Variants in OR6P1 observed in about 807,000 individuals in gnomAD.
The protein encoded by OR6P1 is olfactory receptor 6P1.
OR6P1 carries 5 observed loss-of-function variants against 6.6 expected under a neutral mutation model. The ratio of observed to expected loss-of-function variants is 0.76; its 90% CI spans 0.40 to 1.60. The LOEUF is 1.60. OR6P1 is among the 40% of genes most tolerant of loss of function. OR6P1 has a pLI of 0.02. For missense variants in OR6P1, 451 were observed against 383.0 expected (o/e 1.18, Z -1.48); for synonymous variants, 177 against 149.6 (o/e 1.18, Z -1.33).
At position 158,563,215 on chromosome 1, in the gene OR6P1, G is replaced by C; in HGVS notation, c.390C>G (p.Leu130=). ...YDRYLAICGP[L]LYPSLMPSSL... is the part of the protein sequence containing the mutation. ...TGGAAGGCATGAGACTAGGGTAAAG[G>C]AGGGGTCCACAGATGGCCAGGTAGC... The change falls in exon 3 of 3, where the codon CTC becomes CTG. Residue 130 remains leucine, a synonymous_variant. Coordinates refer to ENST00000641540, the MANE Select transcript of OR6P1 (RefSeq NM_001160325.2). 2 of 1,551,654 alleles carry C rather than the reference G, an allele frequency of 1.3e-6. No individual in the cohort carries two copies. Among genetic ancestry groups the C allele is most frequent in the Non-Finnish European group, 1.7e-6 (2 of 1,147,000 alleles).
At chr1:158,569,074 T>C (rs1648176940) in intron 1 of OR6P1, among the ~76,000 whole-genome samples, 1 of 152,242 alleles carries the variant, frequency 6.6e-6, no homozygotes, top group South Asian at 2.1e-4. Context: ...GTTTTATTAT[T>C]TGTGAAATAG....
In OR6P1 at chr1:158,563,009, T is replaced by A. The variant is rs1647996245; in HGVS notation, c.596A>T (p.Asp199Val). 3.9e-6 allele frequency: 6 copies of A among 1,551,204 alleles called. No homozygotes were observed. The highest frequency in any genetic ancestry group is 1.4e-5 in the African/African-American group (1 of 72,994). Reference sequence around the variant, plus strand: ...AATCATCACCAGGGCCAGAAGGAAGTCTACTAGCTCTGCTTGCTCCTTGTC... The same window carrying A: ...AATCATCACCAGGGCCAGAAGGAAGACTACTAGCTCTGCTTGCTCCTTGTC... ...CSDKEQAELV[D>V]FLLALVMILL... Residue 199 changes from aspartate to valine, a missense_variant, in exon 3 of 3, where the codon GAC (aspartate) becomes GTC (valine). Transcript: ENST00000641540.
intron 1 of OR6P1, among the ~76,000 whole-genome samples, chr1:158,567,412 A>G (rs1156392267): frequency 1.0e-4 from 15 of 146,558 alleles, no homozygotes; most frequent in African/African-American, 3.3e-4. Context: ...CAACAATGAT[A>G]GACTGGATTA....
Position 158,563,330 on chromosome 1 carries a change from A to T in OR6P1, c.275T>A (p.Val92Asp), listed in dbSNP as rs1648008315. The change falls in exon 3 of 3, where the codon GTC (valine) becomes GAC (aspartate). Residue 92 changes from valine (V) to aspartate (D), a missense_variant. Coordinates refer to ENST00000641540, the MANE Select transcript of OR6P1 (RefSeq NM_001160325.2). ...TTGGGTCATGCAACCTACGTAGGAG[A>T]CTCTACCATCCTGGGTAAGAAAGGC... ...LAAFLTQDGR[V>D]SYVGCMTQLY... The T allele has an allele frequency of 1.3e-6, 2 of 1,551,390 alleles. No individual in the cohort carries two copies. The highest frequency in any genetic ancestry group is 1.4e-5 in the African/African-American group (1 of 73,092).
Position 158,563,563 on chromosome 1 carries a change from C to G in OR6P1, c.42G>C (p.Leu14Phe), listed in dbSNP as rs1341686599. ...LSGGHVEEFV[L>F]VGFPTTPPLQ... The stretch of plus-strand genomic sequence containing the variant: ...GGGGAGGCGTGGTAGGGAAACCCAC[C>G]AAGACAAACTCCTCGACATGGCCTC... The change falls in exon 3 of 3, where the codon TTG becomes TTC. Residue 14 changes from leucine (L) to phenylalanine (F), a missense_variant. By Grantham distance (22) the Leu-to-Phe change is conservative. Coordinates refer to ENST00000641540, the MANE Select transcript of OR6P1 (RefSeq NM_001160325.2). 3 of 1,550,136 alleles carry G rather than the reference C, an allele frequency of 1.9e-6. No homozygotes were observed. The highest frequency in any genetic ancestry group is 1.7e-4 in the Middle Eastern group (1 of 5,972).
intron 1 of OR6P1, among the ~76,000 whole-genome samples, chr1:158,569,660 A>G (rs1648190912): frequency 6.6e-6 from 1 of 152,176 alleles, no homozygotes; most frequent in Admixed American, 6.6e-5. Flanking sequence ...GGTAGTGAGT[A>G]TTTTTCATAT....
intron 1 of OR6P1, among the ~76,000 whole-genome samples, chr1:158,569,811 C>T (rs1210886286): frequency 3.3e-5 from 5 of 152,046 alleles, no homozygotes; most frequent in Admixed American, 2.0e-4. Context: ...TTGATAATCT[C>T]GCTATGCAGG....
In OR6P1 at chr1:158,563,014, T is replaced by C; in HGVS notation, c.591A>G (p.Leu197=). ...LTCSDKEQAE[L]VDFLLALVMI... is the part of the protein sequence containing the mutation. The stretch of plus-strand genomic sequence containing the variant: ...TCACCAGGGCCAGAAGGAAGTCTAC[T>C]AGCTCTGCTTGCTCCTTGTCAGAGC... Residue 197 remains leucine, a synonymous_variant, in exon 3 of 3, where the codon CTA becomes CTG. Coordinates refer to ENST00000641540, the MANE Select transcript of OR6P1 (RefSeq NM_001160325.2). 6.4e-7 allele frequency: 1 copy of C among 1,551,748 alleles called. No individual in the cohort carries two copies. The highest frequency in any genetic ancestry group is 2.4e-5 in the East Asian group (1 of 40,924).
intron 1 of OR6P1, among the ~76,000 whole-genome samples, 155 bp downstream of exon 1, chr1:158,570,287 A>T (rs1259700402): frequency 6.6e-6 from 1 of 152,246 alleles, no homozygotes; most frequent in Non-Finnish European, 1.5e-5. Context: ...TGAACAAAAG[A>T]TTAAAATGAC....
chr1:158,562,701 T>A lies in OR6P1; in HGVS notation c.904A>T (p.Arg302Trp). ...TGACATCTGCCCATCACTGTCTTCC[T>A]GAAGGCCTCCTTCACCTCCTTGTTC... ...LRNKEVKEAF[R>W]KTVMGRCHYP... The change falls in exon 3 of 3, where the codon AGG becomes TGG. Residue 302 changes from arginine to tryptophan, a missense_variant. Physicochemically the swap from Arg to Trp is moderately radical, Grantham distance 101 (BLOSUM62 -3). Transcript: ENST00000641540. 2 of 1,560,548 alleles carry A rather than the reference T, an allele frequency of 1.3e-6. No homozygotes were observed. Among genetic ancestry groups the A allele is most frequent in the Non-Finnish European group, 1.7e-6 (2 of 1,151,534 alleles).
rs752358395 is a variant in OR6P1 at position 158,561,676 on chromosome 1, T to C, written c.*975A>G. 6.6e-6 allele frequency: 1 copy of C among 152,178 alleles called. No homozygotes were observed. Among genetic ancestry groups the C allele is most frequent in the Non-Finnish European group, 1.5e-5 (1 of 68,006 alleles). The allele number at this position is 152,178 out of a possible 1,614,324, so 9.4% of individuals were successfully genotyped here. On this transcript the variant is annotated 3_prime_UTR_variant, in exon 3 of 3. Transcript: ENST00000641540. ...AACAATTCAAGTAACTTTCCAAAAATCAAAGGAACTTGCTAGAATACCTAT... is the reference window on the plus strand; with the variant it reads ...AACAATTCAAGTAACTTTCCAAAAACCAAAGGAACTTGCTAGAATACCTAT...
chr1:158,561,845 T>C lies in OR6P1; in HGVS notation c.*806A>G, dbSNP rs976951116. ...GAACACAATTTAAAATATTTCACTA[T>C]CGGTATAGCCCTGGCACTAATTACT... On this transcript the variant is annotated 3_prime_UTR_variant, in exon 3 of 3. Coordinates refer to ENST00000641540, the MANE Select transcript of OR6P1 (RefSeq NM_001160325.2). The C allele has an allele frequency of 1.3e-5, 2 of 152,184 alleles. No homozygotes were observed. Among genetic ancestry groups the C allele is most frequent in the Non-Finnish European group, 2.9e-5 (2 of 68,022 alleles). 9.4% of individuals were successfully genotyped at this position (152,184 alleles called of 1,614,324 possible).
chr1:158,565,772 T>G (rs1471058030), intron 2 of OR6P1, among the ~76,000 whole-genome samples: 1 of 152,162 alleles, frequency 6.6e-6, no homozygotes, highest in African/African-American at 2.4e-5. Context: ...ATTTTGGAGG[T>G]GTAAACACTA....
chr1:158,563,089 G>T lies in OR6P1; in HGVS notation c.516C>A (p.Asn172Lys), dbSNP rs180948601. The stretch of plus-strand genomic sequence containing the variant: ...TATCACAGAAAAAGTGGTTGATAAT[G>T]TTGGGTCCACAGTAGGACAATTGGG... ...FISQLSYCGP[N>K]IINHFFCDIS... Residue 172 changes from asparagine to lysine, a missense_variant, in exon 3 of 3, where the codon AAC becomes AAA. Physicochemically the swap from Asn to Lys is moderately conservative, Grantham distance 94. Coordinates refer to ENST00000641540, the MANE Select transcript of OR6P1 (RefSeq NM_001160325.2). 1.3e-6 allele frequency: 2 copies of T among 1,551,898 alleles called. No homozygotes were observed. Among genetic ancestry groups the T allele is most frequent in the East Asian group, 2.4e-5 (1 of 40,922 alleles).
intron 1 of OR6P1, among the ~76,000 whole-genome samples, chr1:158,567,743 T>A (rs1351074120): frequency 6.6e-6 from 1 of 150,778 alleles, no homozygotes; most frequent in African/African-American, 2.4e-5. Context: ...TGTATACATA[T>A]GTAACTAACC....
chr1:158,560,622 C>T lies in OR6P1; in HGVS notation c.*2029G>A, dbSNP rs1329927267. The T allele has an allele frequency of 2.0e-5, 3 of 152,094 alleles. No individual in the cohort carries two copies. The highest frequency in any genetic ancestry group is 4.4e-5 in the Non-Finnish European group (3 of 68,014). The allele number at this position is 152,094 out of a possible 1,614,324, so 9.4% of individuals were successfully genotyped here. On this transcript the variant is annotated 3_prime_UTR_variant, in exon 3 of 3. Transcript: ENST00000641540. ...TAGAAGGGCAGTTTTAGGAGTTTCT[C>T]TTACAGAAAGGAAGTCCTGAAAGCA...
At chr1:158,568,270 C>T (rs1056557988) in intron 1 of OR6P1, among the ~76,000 whole-genome samples, 2 of 152,146 alleles carry the variant, frequency 1.3e-5, no homozygotes, top group Non-Finnish European at 2.9e-5. Flanking sequence ...GGCACTGTGC[C>T]CACTGAACTC....
intron 1 of OR6P1, among the ~76,000 whole-genome samples, chr1:158,567,310 C>T (rs1286580389): frequency 6.6e-6 from 1 of 151,256 alleles, no homozygotes; most frequent in Non-Finnish European, 1.5e-5. Flanking sequence ...ACCCAAAGGA[C>T]TATAAATCAT....
At chr1:158,567,443 AC>A (rs1338332681) in intron 1 of OR6P1, among the ~76,000 whole-genome samples, 1 of 146,740 alleles carries the variant, frequency 6.8e-6, no homozygotes, top group African/African-American at 2.5e-5. Flanking sequence ...GCACATATAC[AC>A]CATGGAATAC....
Sources: gnomAD v4.1 joint callset for allele counts (sites outside exome capture counted in the v4.1 genomes callset) on GRCh38, gnomAD v4.1.1 for gene constraint, MANE v1.5 for transcripts, NCBI Gene and HGNC (gene_info 2026-07-23, HGNC 2026-07-21) for gene names.